Variants in HYDIN observed in about 807,000 individuals in gnomAD.
The protein encoded by HYDIN is axonemal central pair apparatus protein HYDIN.
In HYDIN, 132 loss-of-function variants were observed where a neutral mutation model predicts 403.9. The ratio of observed to expected loss-of-function variants is 0.33; its 90% CI spans 0.28 to 0.38. The LOEUF (loss-of-function observed/expected upper bound fraction) is 0.38. HYDIN is among the 10% of genes least tolerant of loss of function. The probability of loss-of-function intolerance (pLI) is 1.00; values close to 1 mark genes in which losing one functional copy is unlikely to be tolerated. For synonymous variants in HYDIN, 1,202 were observed against 1,891.7 expected (o/e 0.64, Z 9.46); for missense variants, 2,827 against 5,009.5 (o/e 0.56, Z 13.15).
Position 70,805,886 on chromosome 16 carries a change from A to G in HYDIN, c.*1694T>C, listed in dbSNP as rs1293227210. ...GAAAAATTCCAGAAATAAAAAATTC[A>G]TACTTTTTAAATGGCATGCTGTTCT... On this transcript the variant is annotated 3_prime_UTR_variant, in exon 86 of 86. Transcript: ENST00000393567. 6.6e-6 allele frequency among the ~76,000 whole-genome samples: 1 copy of G among 152,218 alleles called. No homozygotes were observed. Among genetic ancestry groups the G allele is most frequent in the Non-Finnish European group, 1.5e-5 (1 of 68,046 alleles).
At chr16:71,224,345 T>C (rs1268855618) in intron 1 of HYDIN, among the ~76,000 whole-genome samples, 1 of 152,136 alleles carries the variant, frequency 6.6e-6, no homozygotes, top group Non-Finnish European at 1.5e-5. Context: ...TAGTGTACAC[T>C]GCTCAGGTGA....
chr16:71,196,803 GCTA>G (rs1206759170), intron 1 of HYDIN, among the ~76,000 whole-genome samples: 1 of 152,154 alleles, frequency 6.6e-6, no homozygotes, highest in East Asian at 1.9e-4. Context: ...TGTCCTCACT[GCTA>G]CACTTCCACC....
chr16:70,934,202 G>A (rs2077433691), intron 45 of HYDIN, among the ~76,000 whole-genome samples: 1 of 152,084 alleles, frequency 6.6e-6, no homozygotes, highest in South Asian at 2.1e-4. Flanking sequence ...GAGTGGTGGA[G>A]ACAGGAATCA....
At chr16:71,017,294 G>A (rs1367117924) in intron 23 of HYDIN, among the ~76,000 whole-genome samples, 3 of 149,644 alleles carry the variant, frequency 2.0e-5, no homozygotes, top group Non-Finnish European at 4.4e-5. Flanking sequence ...AGGTTGCAGT[G>A]AGCCCAGATA....
chr16:71,057,360 A>G (rs1451451530), intron 18 of HYDIN, among the ~76,000 whole-genome samples: 1 of 152,138 alleles, frequency 6.6e-6, no homozygotes, highest in African/African-American at 2.4e-5. Context: ...GGCTGCCTTC[A>G]TAATGAGTAA....
chr16:70,951,248 C>CAGAG (rs376262243), intron 41 of HYDIN, among the ~76,000 whole-genome samples: 14,772 of 130,222 alleles, frequency 0.11, 771 homozygotes, highest in Non-Finnish European at 0.14. Flanking sequence ...GGAAAAGGGA[C>CAGAG]AGAGAGAGAG....
At chr16:71,201,921 G>A (rs1042630039) in intron 1 of HYDIN, among the ~76,000 whole-genome samples, 1 of 152,204 alleles carries the variant, frequency 6.6e-6, no homozygotes, top group African/African-American at 2.4e-5. Flanking sequence ...ATGTATCATT[G>A]CATGAATAAC....
chr16:71,076,677 CAT>C (rs1401237852), intron 13 of HYDIN, among the ~76,000 whole-genome samples: 1 of 24,840 alleles, frequency 4.0e-5, no homozygotes, highest in Non-Finnish European at 5.7e-5. Flanking sequence ...CCAATTCATA[CAT>C]GTCTATTCAT....
At position 70,863,119 on chromosome 16, in the gene HYDIN, T is replaced by G. The variant is rs1445817326; in HGVS notation, c.11535A>C (p.Ser3845=). Residue 3845 remains serine (S), a synonymous_variant, in exon 68 of 86, where the codon TCA becomes TCC. Coordinates refer to ENST00000393567, the MANE Select transcript of HYDIN (RefSeq NM_001270974.2). ...LEFSWVSEDT[S]KAVSFAKPDH... is the part of the protein sequence containing the mutation. ...CTGGTTTTGCAAAGCTGACTGCCTT[T>G]GAGGTATCTTCTGAGACCCAGCTGA... 1.9e-6 allele frequency: 3 copies of G among 1,614,140 alleles called. No individual in the cohort carries two copies. Among genetic ancestry groups the G allele is most frequent in the East Asian group, 4.5e-5 (2 of 44,876 alleles).
rs1390873267 is a variant in HYDIN, at chr16:71,178,972, A to T, written c.337T>A (p.Cys113Ser). The change falls in exon 4 of 86, where the codon TGT (cysteine) becomes AGT (serine). Residue 113 changes from cysteine to serine, a missense_variant. By Grantham distance (112) the Cys-to-Ser change is moderately radical. Coordinates refer to ENST00000393567, the MANE Select transcript of HYDIN (RefSeq NM_001270974.2). ...SEIIFQNYTP[C>S]EVYEVPLILR... is the part of the protein sequence containing the mutation. ...ATCAGTGGAACTTCATAGACTTCAC[A>T]GGGAGTGTAGTTCTGAAATATAATT... 2 of 1,610,678 alleles carry T rather than the reference A, an allele frequency of 1.2e-6. No homozygotes were observed. Among genetic ancestry groups the T allele is most frequent in the African/African-American group, 2.7e-5 (2 of 74,864 alleles).
In HYDIN at chr16:70,850,528, C is replaced by T. The variant is rs751761286; in HGVS notation, c.12571G>A (p.Val4191Met). The T allele has an allele frequency of 2.0e-5, 32 of 1,609,542 alleles. No individual in the cohort carries two copies. In the African/African-American group the frequency reaches 3.5e-4, roughly 18 times the overall value. Residue 4191 changes from valine to methionine, a missense_variant, in exon 74 of 86, where the codon GTG (valine) becomes ATG (methionine). Physicochemically the swap from Val to Met is conservative, Grantham distance 21. Coordinates refer to ENST00000393567, the MANE Select transcript of HYDIN (RefSeq NM_001270974.2). ...GTCCTGTCCTTGCACTTGATCTCCACATTCATAGTGTAGCCCTCGGCCTTG... is the reference window on the plus strand; with the variant it reads ...GTCCTGTCCTTGCACTTGATCTCCATATTCATAGTGTAGCCCTCGGCCTTG... ...NVKAEGYTMN[V>M]EIKCKDRTGS...
At chr16:70,956,161 T>C (rs572933863) in intron 39 of HYDIN, among the ~76,000 whole-genome samples, 91 of 152,190 alleles carry the variant, frequency 6.0e-4, no homozygotes, top group Non-Finnish European at 1.2e-3. Context: ...TTAAAATACT[T>C]TGTAGTTCCT....
intron 73 of HYDIN, among the ~76,000 whole-genome samples, chr16:70,851,457 C>T (rs1193311975): frequency 6.7e-6 from 1 of 149,064 alleles, no homozygotes; most frequent in African/African-American, 2.6e-5. Flanking sequence ...GAAAAGTGGC[C>T]AACAAACGTA....
At chr16:71,130,094 G>A (rs1411959210) in intron 8 of HYDIN, among the ~76,000 whole-genome samples, 4 of 152,228 alleles carry the variant, frequency 2.6e-5, no homozygotes, top group Admixed American at 6.5e-5. Context: ...GAGCCCTTAT[G>A]TATATCTGGA....
At chr16:71,011,865 G>A (rs1365107443) in intron 23 of HYDIN, among the ~76,000 whole-genome samples, 1 of 151,362 alleles carries the variant, frequency 6.6e-6, no homozygotes, top group Non-Finnish European at 1.5e-5. Context: ...TTGGCTGGCT[G>A]GCGCTCATCA....
chr16:71,152,187 TTA>T (rs2085562242), intron 7 of HYDIN, among the ~76,000 whole-genome samples: 1 of 150,914 alleles, frequency 6.6e-6, no homozygotes, highest in African/African-American at 2.4e-5. Context: ...GGGACACCAG[TTA>T]GGGGGATTTC....
chr16:71,078,659 T>C (rs1227152813), intron 13 of HYDIN, among the ~76,000 whole-genome samples: 1 of 152,136 alleles, frequency 6.6e-6, no homozygotes, highest in Non-Finnish European at 1.5e-5. Context: ...TACGTACCAC[T>C]ACACTCAGCT....
intron 41 of HYDIN, among the ~76,000 whole-genome samples, chr16:70,949,718 G>A (rs1252186748): frequency 6.6e-6 from 1 of 152,218 alleles, no homozygotes; most frequent in Admixed American, 6.5e-5. Context: ...CTGTTGTCCA[G>A]ATCATTTGAG....
At chr16:71,055,838 A>T (rs1474838875) in intron 18 of HYDIN, among the ~76,000 whole-genome samples, 1 of 152,086 alleles carries the variant, frequency 6.6e-6, no homozygotes, top group East Asian at 1.9e-4. Context: ...CCAAGGCTGA[A>T]TTAGAGCCAA....
Sources: allele counts gnomAD v4.1 joint callset (sites outside exome capture counted in the v4.1 genomes callset), GRCh38; gene constraint gnomAD v4.1.1; transcripts MANE v1.5; gene names NCBI Gene and HGNC (gene_info 2026-07-23, HGNC 2026-07-21).